Variants in THSD7B observed in about 807,000 individuals in gnomAD.
The protein encoded by THSD7B is thrombospondin type 1 domain containing 7B, also known as thrombospondin type-1 domain-containing protein 7B.
In THSD7B, 138 loss-of-function variants were observed where a neutral mutation model predicts 213.6. The observed-to-expected ratio is 0.65, with a 90% CI of 0.56 to 0.74. The LOEUF (loss-of-function observed/expected upper bound fraction) is 0.74, where lower values mean the gene tolerates loss of function less well. Among genes scored for constraint, THSD7B ranks in the 30% least tolerant of loss-of-function variants. The pLI, the probability that THSD7B is intolerant of heterozygous loss-of-function variation, is 0.00. For missense variants in THSD7B, 1,931 were observed against 1,991.5 expected, an observed-to-expected ratio of 0.97 and a Z score of 0.58; for synonymous variants, 742 against 687.0, an observed-to-expected ratio of 1.08 and a Z score of -1.25.
chr2:136,998,959 C>CACACACACACACACACA (rs1558882062), intron 2 of THSD7B, among the ~76,000 whole-genome samples: 3 of 146,428 alleles, frequency 2.0e-5, no homozygotes, highest in East Asian at 3.9e-4. Context: ...CACACACACA[C>CACACACACACACACACA]CCCTGCTTTC....
At chr2:137,389,008 G>A (rs2104975032) in intron 12 of THSD7B, among the ~76,000 whole-genome samples, 1 of 151,782 alleles carries the variant, frequency 6.6e-6, no homozygotes, top group South Asian at 2.1e-4. Flanking sequence ...GTGATATACT[G>A]ATTTTCTATC....
At chr2:137,361,819 A>G (rs1165745172) in intron 12 of THSD7B, among the ~76,000 whole-genome samples, 1 of 152,202 alleles carries the variant, frequency 6.6e-6, no homozygotes, top group Non-Finnish European at 1.5e-5. Context: ...TCAGGATATT[A>G]TCCAGGAGAA....
chr2:137,398,758 C>G (rs1184331472), intron 12 of THSD7B, among the ~76,000 whole-genome samples: 1 of 152,208 alleles, frequency 6.6e-6, no homozygotes, highest in Non-Finnish European at 1.5e-5. Flanking sequence ...CGCCCCTCCC[C>G]CAGCCTCGCT....
At chr2:137,383,627 A>T (rs1411724966) in intron 12 of THSD7B, among the ~76,000 whole-genome samples, 1 of 152,180 alleles carries the variant, frequency 6.6e-6, no homozygotes, top group Non-Finnish European at 1.5e-5. Context: ...GTGACCACCC[A>T]CATGAGCTTG....
intron 15 of THSD7B, chr2:137,538,467 G>T: frequency 1.9e-6 from 1 of 516,722 alleles, no homozygotes; most frequent in Non-Finnish European, 3.9e-6. Flanking sequence ...ATCATGCACT[G>T]CTAACATGGA....
intron 3 of THSD7B, among the ~76,000 whole-genome samples, chr2:137,078,444 T>A (rs1687676019): frequency 6.6e-6 from 1 of 152,192 alleles, no homozygotes; most frequent in Admixed American, 6.5e-5. Flanking sequence ...ATGCATATCC[T>A]TTATTAAGAG....
intron 14 of THSD7B, among the ~76,000 whole-genome samples, chr2:137,434,727 A>G (rs1687257128): frequency 1.3e-5 from 2 of 152,194 alleles, no homozygotes; most frequent in Admixed American, 6.5e-5. Flanking sequence ...TTCAGGCTAC[A>G]GTGATAGTTC....
At chr2:137,302,845 T>TA (rs1683639425) in intron 12 of THSD7B, among the ~76,000 whole-genome samples, 1 of 152,146 alleles carries the variant, frequency 6.6e-6, no homozygotes. Context: ...ATGACCATTT[T>TA]AAAAAATTGA....
At chr2:136,936,831 T>TTA (rs1553459241) in intron 2 of THSD7B, among the ~76,000 whole-genome samples, 16 of 151,846 alleles carry the variant, frequency 1.1e-4, no homozygotes, top group Non-Finnish European at 1.8e-4. Context: ...TAATTTTTTT[T>TTA]AAAAAAAGAA....
intron 2 of THSD7B, among the ~76,000 whole-genome samples, chr2:136,992,498 A>G (rs774566035): frequency 2.6e-5 from 4 of 152,314 alleles, no homozygotes; most frequent in Non-Finnish European, 4.4e-5. Context: ...GGAAAAGCCT[A>G]TGGGGGATGG....
intron 15 of THSD7B, among the ~76,000 whole-genome samples, chr2:137,474,113 A>T (rs1370703792): frequency 6.6e-6 from 1 of 152,200 alleles, no homozygotes; most frequent in Admixed American, 6.5e-5. Context: ...ACTAAAATTC[A>T]TGCTACTGAA....
chr2:136,973,962 A>T (rs922467362), intron 2 of THSD7B, among the ~76,000 whole-genome samples: 1 of 152,182 alleles, frequency 6.6e-6, no homozygotes, highest in Non-Finnish European at 1.5e-5. Context: ...TCTTAAATGA[A>T]ATTTAGGCTA....
intron 17 of THSD7B, among the ~76,000 whole-genome samples, chr2:137,600,024 C>T (rs1471080648): frequency 6.6e-6 from 1 of 152,082 alleles, no homozygotes; most frequent in Non-Finnish European, 1.5e-5. Flanking sequence ...TTCTTTCCTC[C>T]ACCTCCTTCT....
chr2:137,442,496 C>T (rs1405393702), intron 14 of THSD7B, among the ~76,000 whole-genome samples: 1 of 151,936 alleles, frequency 6.6e-6, no homozygotes, highest in Non-Finnish European at 1.5e-5. Flanking sequence ...CTATTCATGT[C>T]TATCTTGGGT....
intron 15 of THSD7B, among the ~76,000 whole-genome samples, chr2:137,502,400 A>C (rs1314256371): frequency 6.6e-6 from 1 of 152,106 alleles, no homozygotes; most frequent in East Asian, 1.9e-4. Context: ...ATAGGAACAG[A>C]TGGATAGAAA....
intron 7 of THSD7B, among the ~76,000 whole-genome samples, chr2:137,194,261 A>G (rs2105017451): frequency 6.6e-6 from 1 of 152,262 alleles, no homozygotes; most frequent in South Asian, 2.1e-4. Flanking sequence ...GGGTGGGGAA[A>G]AGGGGCGTGC....
At chr2:137,496,394 G>A (rs1375362) in intron 15 of THSD7B, among the ~76,000 whole-genome samples, 7,350 of 152,130 alleles carry the variant, frequency 0.048, 316 homozygotes, top group African/African-American at 0.11. Context: ...TAAAATCTAG[G>A]CATGTTAATA....
chr2:137,670,125 G>GTATC (rs1265951094), intron 27 of THSD7B, among the ~76,000 whole-genome samples: 14 of 152,014 alleles, frequency 9.2e-5, no homozygotes, highest in African/African-American at 3.1e-4. Flanking sequence ...TATGCATATT[G>GTATC]TATCTCATAG....
chr2:137,458,855 G>A (rs1450725645), intron 15 of THSD7B, among the ~76,000 whole-genome samples: 1 of 152,086 alleles, frequency 6.6e-6, no homozygotes, highest in Non-Finnish European at 1.5e-5. Context: ...ATAAAGATCA[G>A]TGATTACACC....
Sources: gnomAD v4.1 joint callset for allele counts (sites outside exome capture counted in the v4.1 genomes callset) on GRCh38, gnomAD v4.1.1 for gene constraint, MANE v1.5 for transcripts, NCBI Gene and HGNC (gene_info 2026-07-23, HGNC 2026-07-21) for gene names.